Variants in NPAS2 observed in about 807,000 individuals in gnomAD.
The protein encoded by NPAS2 is neuronal PAS domain-containing protein 2.
NPAS2 carries 23 observed loss-of-function variants against 107.5 expected under a neutral mutation model. The observed-to-expected ratio is 0.21, with a 90% CI of 0.15 to 0.30. NPAS2 has a LOEUF of 0.30. Ranked by LOEUF, NPAS2 falls within the 10% of genes least tolerant of loss-of-function variation. The pLI is 1.00. For synonymous variants in NPAS2, 403 were observed against 417.5 expected (o/e 0.97, Z 0.42); for missense variants, 756 against 1,043.3 (o/e 0.72, Z 3.79).
intron 1 of NPAS2, among the ~76,000 whole-genome samples, chr2:100,849,244 T>A (rs902933918): frequency 6.6e-6 from 1 of 152,214 alleles, no homozygotes; most frequent in Non-Finnish European, 1.5e-5. Context: ...TGTGCTTTGG[T>A]TCTGTTTAGC....
intron 1 of NPAS2, among the ~76,000 whole-genome samples, chr2:100,856,233 A>G (rs148370124): frequency 2.6e-5 from 4 of 152,248 alleles, no homozygotes; most frequent in Non-Finnish European, 5.9e-5. Context: ...ACCATCCATT[A>G]GGATTTAAGT....
chr2:100,992,292 G>C (rs997257683), intron 19 of NPAS2, among the ~76,000 whole-genome samples: 3 of 152,230 alleles, frequency 2.0e-5, no homozygotes, highest in Non-Finnish European at 2.9e-5. Flanking sequence ...GCACGTGCCT[G>C]TAATCCCAGC....
intron 2 of NPAS2, among the ~76,000 whole-genome samples, chr2:100,907,029 A>G (rs1053794243): frequency 1.3e-5 from 2 of 152,170 alleles, no homozygotes; most frequent in Non-Finnish European, 2.9e-5. Flanking sequence ...CCGACTAGAC[A>G]AAGAGCTGCA....
At chr2:100,934,893 C>T (rs1684201374) in intron 4 of NPAS2, 4 of 985,268 alleles carry the variant, frequency 4.1e-6, no homozygotes, top group South Asian at 9.4e-5. Flanking sequence ...ATCCAGGTGC[C>T]ATGTCTTAGT....
intron 7 of NPAS2, among the ~76,000 whole-genome samples, chr2:100,952,025 G>A (rs1041582922): frequency 5.3e-5 from 8 of 151,730 alleles, no homozygotes; most frequent in Middle Eastern, 6.3e-3. Flanking sequence ...GGTGGCGGGC[G>A]CCTGTAGTCC....
At chr2:100,939,554 T>G (rs996765862) in intron 5 of NPAS2, among the ~76,000 whole-genome samples, 13 of 152,128 alleles carry the variant, frequency 8.5e-5, no homozygotes, top group Admixed American at 2.6e-4. Flanking sequence ...TGGGCTGATC[T>G]GAGGGTGTCT....
chr2:100,842,081 GCA>G (rs59267718), intron 1 of NPAS2, among the ~76,000 whole-genome samples: 11,059 of 148,728 alleles, frequency 0.074, 1,067 homozygotes, highest in African/African-American at 0.21. Flanking sequence ...GCATGTACGC[GCA>G]CACACACACA....
At chr2:100,945,438 CCTGT>C (rs1357619428) in intron 5 of NPAS2, among the ~76,000 whole-genome samples, 1 of 152,234 alleles carries the variant, frequency 6.6e-6, no homozygotes, top group Non-Finnish European at 1.5e-5. Flanking sequence ...CACTCCTTCC[CCTGT>C]CTCTCTTGGG....
chr2:100,952,754 T>G (rs1291706937), intron 7 of NPAS2, among the ~76,000 whole-genome samples: 1 of 151,544 alleles, frequency 6.6e-6, no homozygotes, highest in East Asian at 1.9e-4. Context: ...TCTGAATACC[T>G]GGGACTTTTT....
At position 100,949,429 on chromosome 2, in the gene NPAS2, C is replaced by G; in HGVS notation, c.547C>G (p.Pro183Ala). ...LRGSLNPKEF[P>A]TYEYIKFVGN... ...AGGCAGCTTGAACCCAAAGGAATTT[C>G]CAACTTATGAATACATAAAATTTGT... is the stretch of plus-strand genomic sequence containing the variant. The change falls in exon 7 of 21, where the codon CCA (proline) becomes GCA (alanine). Residue 183 changes from proline (P) to alanine (A), a missense_variant. Transcript: ENST00000335681. 2 of 1,613,552 alleles carry G rather than the reference C, an allele frequency of 1.2e-6. No homozygotes were observed. Among genetic ancestry groups the G allele is most frequent in the Non-Finnish European group, 1.7e-6 (2 of 1,179,504 alleles).
At position 100,965,794 on chromosome 2, in the gene NPAS2, G is replaced by A. The variant is rs1676177155; in HGVS notation, c.907+28G>A. The A allele has an allele frequency of 8.8e-7, 1 of 1,136,810 alleles. No homozygotes were observed. Among genetic ancestry groups the A allele is most frequent in the Non-Finnish European group, 1.1e-6 (1 of 902,570 alleles). The allele number at this position is 1,136,810 out of a possible 1,614,324, so 70.4% of individuals were successfully genotyped here. The stretch of plus-strand genomic sequence containing the variant: ...GAGTACCACTGCCCAGCCCAGGCAT[G>A]GGGGCCTTGCGTTCACTCCACTGGG... On this transcript the variant is annotated intron_variant, in intron 10 of 20. Transcript: ENST00000335681. This position sits in a 1 kb window ranked among gnomAD's most constrained non-coding sequence, Gnocchi z 4.3.
At chr2:100,899,534 T>C (rs1681640760) in intron 1 of NPAS2, among the ~76,000 whole-genome samples, 1 of 152,190 alleles carries the variant, frequency 6.6e-6, no homozygotes, top group Non-Finnish European at 1.5e-5. Context: ...TGGACTTTTC[T>C]TAATAAGAAG....
chr2:100,836,530 A>C (rs1677075175), intron 1 of NPAS2, among the ~76,000 whole-genome samples: 1 of 152,158 alleles, frequency 6.6e-6, no homozygotes, highest in South Asian at 2.1e-4. Context: ...CAGTGGTGGT[A>C]GGGGAGGGTG....
chr2:100,993,725 A>C (rs1678278304), intron 20 of NPAS2, 198 bp downstream of exon 20: 2 of 445,598 alleles, frequency 4.5e-6, no homozygotes, highest in Non-Finnish European at 7.7e-6. Flanking sequence ...AGAGTACATG[A>C]AATTACGAGT....
chr2:100,843,087 T>TGG (rs1558799413), intron 1 of NPAS2, among the ~76,000 whole-genome samples: 1 of 151,820 alleles, frequency 6.6e-6, no homozygotes, highest in East Asian at 1.9e-4. Context: ...GGTGTGGTGG[T>TGG]GCATGCCTGT....
intron 1 of NPAS2, among the ~76,000 whole-genome samples, chr2:100,850,024 AAAAAAAAAAAAAAGC>A (rs1361813849): frequency 0.011 from 1,493 of 136,636 alleles, 57 homozygotes; most frequent in African/African-American, 0.04. Context: ...AAAAAAAAAA[AAAAAAAAAAAAAAGC>A]AAGAGAAAAT....
At chr2:100,919,172 A>G (rs1683069864) in intron 2 of NPAS2, among the ~76,000 whole-genome samples, 1 of 152,220 alleles carries the variant, frequency 6.6e-6, no homozygotes, top group South Asian at 2.1e-4. Context: ...CTTTTACGAC[A>G]TTCTTGAAAA....
intron 1 of NPAS2, among the ~76,000 whole-genome samples, chr2:100,847,524 C>G (rs566127581): frequency 1.3e-5 from 2 of 151,808 alleles, no homozygotes; most frequent in African/African-American, 4.8e-5. Context: ...CACCCACCAC[C>G]GCGCCTGGCT....
In NPAS2 at chr2:100,933,601, G is replaced by A. The variant is rs186367568; in HGVS notation, c.273+600G>A. ...AGGCCCCATACTCATCTACAGGGCC[G>A]TATTTGTGAAAACCTGGCTGATCTA... On this transcript the variant is annotated intron_variant, in intron 4 of 20. Coordinates refer to ENST00000335681, the MANE Select transcript of NPAS2 (RefSeq NM_002518.4). Among the ~76,000 whole-genome samples the A allele has an allele frequency of 1.1e-4, 17 of 152,270 alleles. No homozygotes were observed. The East Asian group carries it at 2.7e-3, about 24-fold the overall frequency.
Sources: allele counts gnomAD v4.1 joint callset (sites outside exome capture counted in the v4.1 genomes callset), GRCh38; gene constraint gnomAD v4.1.1; non-coding constraint Gnocchi (gnomAD v3.1); transcripts MANE v1.5; gene names NCBI Gene and HGNC (gene_info 2026-07-23, HGNC 2026-07-21).